Variants in AK5 observed in about 807,000 individuals in gnomAD.
AK5 encodes adenylate kinase isoenzyme 5.
A neutral mutation model predicts 69.5 loss-of-function variants in AK5; 27 were observed. The observed-to-expected ratio is 0.39, with a 90% CI of 0.29 to 0.54. The LOEUF (loss-of-function observed/expected upper bound fraction) is 0.54, where lower values mean the gene tolerates loss of function less well. Among genes scored for constraint, AK5 ranks in the 20% least tolerant of loss-of-function variants. The pLI, the probability that AK5 is intolerant of heterozygous loss-of-function variation, is 0.71. For synonymous variants in AK5, 260 were observed against 244.4 expected (o/e 1.06, Z -0.60); for missense variants, 531 against 700.4 (o/e 0.76, Z 2.73).
At chr1:77,297,789 A>C in intron 4 of AK5, 45 bp from the exon 5 acceptor site, 2 of 1,607,092 alleles carry the variant, frequency 1.2e-6, no homozygotes, top group Middle Eastern at 1.7e-4. Context: ...GAGTATACTA[A>C]GTTTAACTGT....
chr1:77,500,875 G>GT (rs34578405), intron 10 of AK5, among the ~76,000 whole-genome samples: 10 of 151,260 alleles, frequency 6.6e-5, no homozygotes, highest in Non-Finnish European at 1.5e-4. Context: ...GTTTTGTTTT[G>GT]TTTTTTTTTA....
intron 6 of AK5, among the ~76,000 whole-genome samples, chr1:77,395,708 A>G (rs980648919): frequency 5.3e-5 from 8 of 152,260 alleles, no homozygotes; most frequent in African/African-American, 1.7e-4. Context: ...AGGCATAACT[A>G]AACAAAACAT....
chr1:77,358,599 GA>G (rs988089224), intron 6 of AK5, among the ~76,000 whole-genome samples: 1 of 151,878 alleles, frequency 6.6e-6, no homozygotes, highest in Non-Finnish European at 1.5e-5. Flanking sequence ...AAACATTAAG[GA>G]AAAAAGTAGA....
rs144835622 is a variant in AK5 at position 77,310,492 on chromosome 1, G to T, written c.699+12545G>T. On this transcript the variant is annotated intron_variant, in intron 5 of 13. Coordinates refer to ENST00000354567, the MANE Select transcript of AK5 (RefSeq NM_174858.3). ...CCTTCCGGGTTCACGCCACTCTCCC[G>T]CCTCAGCCTCCCGAGTAGCTGGGAC... Among the ~76,000 whole-genome samples, 238 of 151,916 alleles carry T rather than the reference G, an allele frequency of 1.6e-3. 1 individual carries two copies. The highest frequency in any genetic ancestry group is 5.5e-3 in the African/African-American group (228 of 41,374).
chr1:77,369,184 A>G (rs2100470150), intron 6 of AK5, among the ~76,000 whole-genome samples: 1 of 152,318 alleles, frequency 6.6e-6, no homozygotes, highest in South Asian at 2.1e-4. Context: ...TACAGATCAG[A>G]AAGCTCAAGT....
intron 6 of AK5, among the ~76,000 whole-genome samples, chr1:77,358,729 A>C (rs1646796804): frequency 6.6e-6 from 1 of 152,178 alleles, no homozygotes; most frequent in Non-Finnish European, 1.5e-5. Context: ...CATGCTTCAA[A>C]AAATTATTTT....
intron 8 of AK5, among the ~76,000 whole-genome samples, chr1:77,452,816 G>A (rs1295948034): frequency 6.6e-6 from 1 of 152,108 alleles, no homozygotes; most frequent in Non-Finnish European, 1.5e-5. Context: ...TAATTTCCAA[G>A]CACACATGCT....
At chr1:77,397,208 AT>A (rs1410697767) in intron 6 of AK5, among the ~76,000 whole-genome samples, 3 of 152,090 alleles carry the variant, frequency 2.0e-5, no homozygotes, top group Non-Finnish European at 4.4e-5. Flanking sequence ...TCTCCCTGGT[AT>A]GCCCTTCCTT....
intron 9 of AK5, 32 bp downstream of exon 9, chr1:77,483,391 G>A (rs762958961): frequency 1.3e-6 from 2 of 1,560,642 alleles, no homozygotes; most frequent in African/African-American, 1.4e-5. Context: ...GATCAAAGTT[G>A]TCATTTTAGT....
At chr1:77,299,582 C>T (rs1484508976) in intron 5 of AK5, among the ~76,000 whole-genome samples, 1 of 152,140 alleles carries the variant, frequency 6.6e-6, no homozygotes, top group Non-Finnish European at 1.5e-5. Flanking sequence ...GGTGCTCAGT[C>T]AGCTTAAAGG....
At chr1:77,537,238 G>A (rs943200029) in intron 13 of AK5, among the ~76,000 whole-genome samples, 3 of 152,076 alleles carry the variant, frequency 2.0e-5, no homozygotes, top group Non-Finnish European at 2.9e-5. Flanking sequence ...GGGGGTGCAC[G>A]CCACACCAGA....
At chr1:77,556,086 C>A (rs1164444652) in intron 13 of AK5, among the ~76,000 whole-genome samples, 1 of 152,166 alleles carries the variant, frequency 6.6e-6, no homozygotes, top group African/African-American at 2.4e-5. Flanking sequence ...TTTAAAAAAA[C>A]TTATTTTTTC....
intron 13 of AK5, among the ~76,000 whole-genome samples, chr1:77,536,383 G>T (rs1298520026): frequency 6.6e-6 from 1 of 152,210 alleles, no homozygotes; most frequent in Non-Finnish European, 1.5e-5. Flanking sequence ...GAGCCCCAGA[G>T]GTGGAGGCTG....
intron 7 of AK5, among the ~76,000 whole-genome samples, chr1:77,415,510 G>T (rs550719281): frequency 6.6e-6 from 1 of 152,264 alleles, no homozygotes; most frequent in African/African-American, 2.4e-5. Flanking sequence ...TATTGTGGAA[G>T]TAAAGAAAGC....
intron 6 of AK5, among the ~76,000 whole-genome samples, chr1:77,342,114 G>A (rs192742354): frequency 1.0e-3 from 154 of 152,198 alleles, no homozygotes; most frequent in African/African-American, 3.5e-3. Context: ...TGGCCAGGCT[G>A]GTCTTGAACT....
intron 6 of AK5, among the ~76,000 whole-genome samples, chr1:77,369,738 G>T (rs1647084491): frequency 6.6e-6 from 1 of 152,124 alleles, no homozygotes; most frequent in South Asian, 2.1e-4. Flanking sequence ...GTATTATAAA[G>T]AAATAGTATT....
At chr1:77,452,384 A>C (rs148239616) in intron 8 of AK5, among the ~76,000 whole-genome samples, 122 of 152,318 alleles carry the variant, frequency 8.0e-4, no homozygotes, top group African/African-American at 2.8e-3. Context: ...TTCTTATCAG[A>C]TATACTTTAA....
At chr1:77,429,473 G>A (rs1651446872) in intron 8 of AK5, among the ~76,000 whole-genome samples, 1 of 152,112 alleles carries the variant, frequency 6.6e-6, no homozygotes. Context: ...AATTCAATGT[G>A]CCAGACTCTA....
At chr1:77,552,424 A>T (rs1352448903) in intron 13 of AK5, among the ~76,000 whole-genome samples, 1 of 152,180 alleles carries the variant, frequency 6.6e-6, no homozygotes, top group African/African-American at 2.4e-5. Flanking sequence ...TTAACAATAT[A>T]CAAATACTTG....
Sources: gnomAD v4.1 joint callset for allele counts (sites outside exome capture counted in the v4.1 genomes callset) on GRCh38, gnomAD v4.1.1 for gene constraint, MANE v1.5 for transcripts, NCBI Gene and HGNC (gene_info 2026-07-23, HGNC 2026-07-21) for gene names.